UTS2B: variants seen among roughly 807,000 people sequenced by gnomAD.
The protein encoded by UTS2B is urotensin 2B.
Under a neutral mutation model 19.2 loss-of-function variants are expected in UTS2B, and 21 were observed. The observed-to-expected ratio is 1.09, with a 90% CI of 0.78 to 1.58. The LOEUF (loss-of-function observed/expected upper bound fraction) is 1.58. Ranked by LOEUF, UTS2B falls within the 40% of genes most tolerant of loss-of-function variation. UTS2B has a pLI of 0.00. For synonymous variants in UTS2B, 57 were observed against 50.2 expected (o/e 1.14, Z -0.58); for missense variants, 138 against 130.3 (o/e 1.06, Z -0.29).
the UTS2B span, among the ~76,000 whole-genome samples, chr3:191,338,248 A>G: frequency 6.6e-6 from 1 of 152,240 alleles, no homozygotes; most frequent in African/African-American, 2.4e-5. Context: ...ATTTTTGAGT[A>G]GCATCTTCCC....
intron 2 of UTS2B, among the ~76,000 whole-genome samples, chr3:191,323,471 A>T (rs1346239160): frequency 6.6e-6 from 1 of 152,202 alleles, no homozygotes; most frequent in Non-Finnish European, 1.5e-5. Context: ...GCCTGACCTC[A>T]GTGCTTTTAT....
intron 8 of UTS2B, 41 bp downstream of exon 8, chr3:191,275,211 C>G (rs756426469): frequency 2.7e-6 from 4 of 1,455,278 alleles, no homozygotes; most frequent in Non-Finnish European, 3.8e-6. Context: ...CAAAAATAAT[C>G]TTTTGGAAGT....
At chr3:191,304,244 CA>C (rs1717077885) in intron 4 of UTS2B, among the ~76,000 whole-genome samples, 1 of 152,188 alleles carries the variant, frequency 6.6e-6, no homozygotes, top group Non-Finnish European at 1.5e-5. Context: ...AGGCGTGAGG[CA>C]CTGCGCCCTG....
chr3:191,307,252 T>C (rs1717164290), intron 3 of UTS2B, among the ~76,000 whole-genome samples: 1 of 152,198 alleles, frequency 6.6e-6, no homozygotes, highest in Admixed American at 6.5e-5. Flanking sequence ...AATCCTTAGC[T>C]TGACATTAAA....
Position 191,316,042 on chromosome 3 carries a change from C to T in UTS2B, c.-188G>A, listed in dbSNP as rs1189386647. On this transcript the variant is annotated 5_prime_UTR_variant, in exon 3 of 9. Coordinates refer to ENST00000340524, the MANE Select transcript of UTS2B (RefSeq NM_198152.5). ...GTCAGAGAGCTCTTCTTACCTGTGT[C>T]ACAGGTGGCTTCTCTTGACATAGCT... 1.3e-5 allele frequency: 2 copies of T among 152,202 alleles called. No homozygotes were observed. Among genetic ancestry groups the T allele is most frequent in the Admixed American group, 6.5e-5 (1 of 15,284 alleles). The allele number at this position is 152,202 out of a possible 1,614,324, so 9.4% of individuals were successfully genotyped here. A position where few individuals can be genotyped will look rare whatever the true frequency, so the allele number is the denominator to read the frequency against.
chr3:191,323,856 G>A (rs1247699376), intron 2 of UTS2B, among the ~76,000 whole-genome samples: 3 of 152,308 alleles, frequency 2.0e-5, no homozygotes, highest in Admixed American at 2.0e-4. Flanking sequence ...GTGAGTTGGA[G>A]AGAGAGAAGT....
chr3:191,276,430 T>C (rs1261292579), intron 7 of UTS2B, among the ~76,000 whole-genome samples: 1 of 152,170 alleles, frequency 6.6e-6, no homozygotes, highest in Non-Finnish European at 1.5e-5. Context: ...AACATAACAT[T>C]TGGGGGAAAA....
At chr3:191,288,099 A>G (rs746025644) in intron 4 of UTS2B, among the ~76,000 whole-genome samples, 13 of 152,202 alleles carry the variant, frequency 8.5e-5, no homozygotes, top group Non-Finnish European at 1.8e-4. Flanking sequence ...AGACCTGTAT[A>G]CTGACAACAA....
chr3:191,294,998 TCCA>T (rs1223924655), intron 4 of UTS2B, among the ~76,000 whole-genome samples: 1 of 151,608 alleles, frequency 6.6e-6, no homozygotes, highest in Non-Finnish European at 1.5e-5. Context: ...GCCACTGCAC[TCCA>T]GCCTGGGTGA....
At chr3:191,285,015 A>G (rs2108578219) in intron 4 of UTS2B, among the ~76,000 whole-genome samples, 1 of 152,286 alleles carries the variant, frequency 6.6e-6, no homozygotes, top group Middle Eastern at 3.4e-3. Context: ...TCACTGGTAG[A>G]AGTAAGTACA....
intron 4 of UTS2B, among the ~76,000 whole-genome samples, chr3:191,287,084 G>C (rs1344091862): frequency 1.3e-5 from 2 of 152,146 alleles, no homozygotes; most frequent in South Asian, 4.1e-4. Context: ...GCATAGACCA[G>C]TAGTGAGTAA....
intron 3 of UTS2B, among the ~76,000 whole-genome samples, chr3:191,309,082 A>G (rs1261103164): frequency 6.6e-6 from 1 of 152,220 alleles, no homozygotes; most frequent in African/African-American, 2.4e-5. Flanking sequence ...TAACAATAAC[A>G]CATTTGCTAA....
At chr3:191,331,381 A>G (rs1717978575), upstream of UTS2B, among the ~76,000 whole-genome samples, 1 of 152,222 alleles carries the variant, frequency 6.6e-6, no homozygotes, top group South Asian at 2.1e-4. Flanking sequence ...GATGTATTCT[A>G]ACATATTATT....
intron 4 of UTS2B, among the ~76,000 whole-genome samples, chr3:191,300,080 T>C (rs1422439226): frequency 6.6e-6 from 1 of 151,972 alleles, no homozygotes; most frequent in Non-Finnish European, 1.5e-5. Flanking sequence ...CACGGAGTTT[T>C]CGCTCTTTCA....
chr3:191,299,984 C>T (rs919758701), intron 4 of UTS2B, among the ~76,000 whole-genome samples: 2 of 152,224 alleles, frequency 1.3e-5, no homozygotes, highest in African/African-American at 4.8e-5. Context: ...CATTGGCTTT[C>T]AGACTTGCAT....
chr3:191,315,898 TATA>T (rs1411180026), intron 3 of UTS2B, 135 bp downstream of exon 3: 1 of 152,268 alleles, frequency 6.6e-6, no homozygotes, highest in Non-Finnish European at 1.5e-5. Context: ...TGTCTTTACA[TATA>T]TAATTGAAAC....
intron 2 of UTS2B, among the ~76,000 whole-genome samples, chr3:191,325,743 G>A (rs1286288099): frequency 6.6e-6 from 1 of 152,096 alleles, no homozygotes; most frequent in East Asian, 1.9e-4. Flanking sequence ...TAATTCAGAG[G>A]GACTGCACTG....
intron 2 of UTS2B, among the ~76,000 whole-genome samples, chr3:191,317,409 G>T (rs923246492): frequency 1.3e-5 from 2 of 152,242 alleles, no homozygotes; most frequent in Non-Finnish European, 2.9e-5. Flanking sequence ...CAAGCAGAGG[G>T]AGCTGGCTCC....
At chr3:191,332,211 C>T (rs1337885854), upstream of UTS2B, among the ~76,000 whole-genome samples, 3 of 152,286 alleles carry the variant, frequency 2.0e-5, no homozygotes, top group East Asian at 1.9e-4. Context: ...TAAAAATCTT[C>T]TTTCCTAGGT....
Sources: gnomAD v4.1 joint callset for allele counts (sites outside exome capture counted in the v4.1 genomes callset) on GRCh38, gnomAD v4.1.1 for gene constraint, MANE v1.5 for transcripts, NCBI Gene and HGNC (gene_info 2026-07-23, HGNC 2026-07-21) for gene names.